The following TENM3 variants were observed in gnomAD, a reference collection of about 807,000 sequenced individuals.
TENM3 encodes the protein teneurin transmembrane protein 3, also known as teneurin-3.
Under a neutral mutation model 255.1 loss-of-function variants are expected in TENM3, and 63 were observed. The observed-to-expected ratio is 0.25, with a 90% CI of 0.20 to 0.30. The LOEUF (loss-of-function observed/expected upper bound fraction) is 0.30, where lower values mean the gene tolerates loss of function less well. TENM3 is among the 10% of genes least tolerant of loss of function. TENM3 has a pLI of 1.00. For synonymous variants in TENM3, 1,306 were observed against 1,322.3 expected, an observed-to-expected ratio of 0.99 and a Z score of 0.27; for missense variants, 2,929 against 3,461.1, an observed-to-expected ratio of 0.85 and a Z score of 3.86.
chr4:182,251,424 C>T (rs141526692), intron 1 of TENM3, among the ~76,000 whole-genome samples: 274 of 152,230 alleles, frequency 1.8e-3, no homozygotes, highest in Non-Finnish European at 2.8e-3. Flanking sequence ...GCCATGATCA[C>T]ACCACTGAAC....
intron 12 of TENM3, chr4:182,698,211 TG>T (rs1757577652): frequency 6.6e-6 from 1 of 152,160 alleles, no homozygotes; most frequent in African/African-American, 2.4e-5. Context: ...TTTGACTCTG[TG>T]TTTCTATCAT....
chr4:182,658,356 G>A (rs73869805), intron 6 of TENM3, among the ~76,000 whole-genome samples: 13,256 of 152,074 alleles, frequency 0.087, 1,313 homozygotes, highest in East Asian at 0.38. Flanking sequence ...AGGACTCTGC[G>A]CTTGACAATA....
the TENM3 span, among the ~76,000 whole-genome samples, chr4:181,752,454 A>G: frequency 6.6e-6 from 1 of 152,138 alleles, no homozygotes; most frequent in Non-Finnish European, 1.5e-5. Flanking sequence ...AGGGAAGCTG[A>G]GACAGGGAAA....
the TENM3 span, among the ~76,000 whole-genome samples, chr4:181,617,129 T>C: frequency 5.8e-4 from 88 of 152,268 alleles, no homozygotes; most frequent in African/African-American, 2.0e-3. Context: ...ATATAAATCT[T>C]GTAAAATGAT....
At chr4:181,859,845 A>G in the TENM3 span, among the ~76,000 whole-genome samples, 3 of 152,214 alleles carry the variant, frequency 2.0e-5, no homozygotes, top group African/African-American at 7.2e-5. Flanking sequence ...AGCAGAAAAA[A>G]AAAACACCTG....
At chr4:182,052,543 C>A in the TENM3 span, among the ~76,000 whole-genome samples, 3 of 152,146 alleles carry the variant, frequency 2.0e-5, no homozygotes, top group Non-Finnish European at 4.4e-5. Flanking sequence ...TGTACCTTTT[C>A]CCTCGTTTTC....
At chr4:181,799,750 G>A in the TENM3 span, among the ~76,000 whole-genome samples, 1 of 152,140 alleles carries the variant, frequency 6.6e-6, no homozygotes, top group Non-Finnish European at 1.5e-5. Context: ...GGAAAGTATG[G>A]GGAGGTTATT....
At chr4:182,248,033 C>A (rs1757765449) in intron 1 of TENM3, among the ~76,000 whole-genome samples, 1 of 152,166 alleles carries the variant, frequency 6.6e-6, no homozygotes. Context: ...ATTTGGACTT[C>A]AAATATGCAG....
the TENM3 span, among the ~76,000 whole-genome samples, chr4:181,641,172 GAA>G: frequency 6.6e-6 from 1 of 152,080 alleles, no homozygotes; most frequent in East Asian, 1.9e-4. Flanking sequence ...GCCTGTACAT[GAA>G]AAGAGTGTTA....
chr4:181,544,283 CTT>C, the TENM3 span, among the ~76,000 whole-genome samples: 19 of 151,618 alleles, frequency 1.3e-4, no homozygotes, highest in Non-Finnish European at 2.2e-4. Context: ...CATATTGTGT[CTT>C]TTAAAAATAA....
At chr4:182,017,011 C>T in the TENM3 span, among the ~76,000 whole-genome samples, 4 of 152,220 alleles carry the variant, frequency 2.6e-5, no homozygotes, top group Non-Finnish European at 5.9e-5. Context: ...GCCAAATACA[C>T]CCTCACTGTT....
the TENM3 span, among the ~76,000 whole-genome samples, chr4:181,863,582 G>A: frequency 6.6e-6 from 1 of 152,074 alleles, no homozygotes; most frequent in Non-Finnish European, 1.5e-5. Flanking sequence ...ACAAACAAGT[G>A]AGTTACCTGC....
chr4:181,543,317 A>G, the TENM3 span, among the ~76,000 whole-genome samples: 1 of 152,100 alleles, frequency 6.6e-6, no homozygotes, highest in African/African-American at 2.4e-5. Context: ...AGAATACACA[A>G]AGGATAAAAT....
chr4:181,460,250 T>A, the TENM3 span, among the ~76,000 whole-genome samples: 2 of 152,000 alleles, frequency 1.3e-5, no homozygotes, highest in African/African-American at 4.8e-5. Flanking sequence ...AACTTTGCAA[T>A]GTGTGAATAA....
the TENM3 span, among the ~76,000 whole-genome samples, chr4:181,721,341 C>G: frequency 1.3e-5 from 2 of 151,532 alleles, no homozygotes; most frequent in South Asian, 4.2e-4. Flanking sequence ...CCTACCTCCA[C>G]ATGATCAAAT....
chr4:182,046,014 A>G, the TENM3 span, among the ~76,000 whole-genome samples: 1 of 152,152 alleles, frequency 6.6e-6, no homozygotes, highest in Non-Finnish European at 1.5e-5. Flanking sequence ...GAAAACAGTC[A>G]GGAGAGGAGC....
chr4:182,625,714 G>A (rs1259023240), intron 4 of TENM3, among the ~76,000 whole-genome samples: 1 of 152,172 alleles, frequency 6.6e-6, no homozygotes, highest in Admixed American at 6.5e-5. Flanking sequence ...ATAATAGGAT[G>A]TCTGTCCAAT....
At chr4:181,665,110 G>A in the TENM3 span, among the ~76,000 whole-genome samples, 14 of 152,216 alleles carry the variant, frequency 9.2e-5, no homozygotes, top group African/African-American at 3.1e-4. Flanking sequence ...CCCCAAGCTC[G>A]CATTCTGGCA....
chr4:181,571,710 T>C, the TENM3 span, among the ~76,000 whole-genome samples: 1 of 152,200 alleles, frequency 6.6e-6, no homozygotes, highest in African/African-American at 2.4e-5. Flanking sequence ...ATGAATTCTA[T>C]ATTTTTGAAT....
Sources: gnomAD v4.1 joint callset for allele counts (sites outside exome capture counted in the v4.1 genomes callset) on GRCh38, gnomAD v4.1.1 for gene constraint, MANE v1.5 for transcripts, NCBI Gene and HGNC (gene_info 2026-07-23, HGNC 2026-07-21) for gene names.